Variants in DPYSL5 observed in about 807,000 individuals in gnomAD.
DPYSL5 encodes the protein dihydropyrimidinase-related protein 5.
In DPYSL5, 9 loss-of-function variants were observed where a neutral mutation model predicts 58.4. The ratio of observed to expected loss-of-function variants is 0.15; its 90% CI spans 0.09 to 0.27. The LOEUF (loss-of-function observed/expected upper bound fraction) is 0.27. Among genes scored for constraint, DPYSL5 ranks in the 10% least tolerant of loss-of-function variants. The pLI is 1.00. For synonymous variants in DPYSL5, 293 were observed against 301.9 expected (o/e 0.97, Z 0.31); for missense variants, 499 against 770.6 (o/e 0.65, Z 4.17).
intron 8 of DPYSL5, among the ~76,000 whole-genome samples, chr2:26,937,752 T>G (rs911240732): frequency 6.6e-6 from 1 of 151,374 alleles, no homozygotes; most frequent in Non-Finnish European, 1.5e-5. Flanking sequence ...TTTTGTTTGT[T>G]TGTTTGTTTG....
At chr2:26,939,065 C>T (rs539939733) in intron 8 of DPYSL5, 4 of 152,388 alleles carry the variant, frequency 2.6e-5, no homozygotes, top group Admixed American at 6.5e-5. Context: ...TTCTTCCCTA[C>T]GTCTTCTTTG....
intron 1 of DPYSL5, among the ~76,000 whole-genome samples, chr2:26,883,393 G>T (rs532602233): frequency 6.6e-6 from 1 of 152,132 alleles, no homozygotes; most frequent in Non-Finnish European, 1.5e-5. Context: ...CTTATTGTTT[G>T]TTTGTTTGTT....
At chr2:26,941,814 C>A in intron 9 of DPYSL5, 136 bp from the exon 10 acceptor site, 2 of 1,170,006 alleles carry the variant, frequency 1.7e-6, no homozygotes, top group Non-Finnish European at 2.4e-6. Context: ...TGAGATGGTG[C>A]TCATGGCCTT....
intron 1 of DPYSL5, among the ~76,000 whole-genome samples, chr2:26,867,444 T>G (rs988275597): frequency 6.3e-4 from 89 of 140,212 alleles, no homozygotes; most frequent in African/African-American, 1.4e-3. Flanking sequence ...CAATTGTTTG[T>G]TTTTTTTTTT....
intron 1 of DPYSL5, among the ~76,000 whole-genome samples, chr2:26,882,655 CT>C (rs1264565145): frequency 6.6e-6 from 1 of 152,104 alleles, no homozygotes; most frequent in African/African-American, 2.4e-5. Flanking sequence ...AATCCCAGCA[CT>C]TTGGGAGGCC....
At chr2:26,888,997 G>T (rs1015207741) in intron 1 of DPYSL5, among the ~76,000 whole-genome samples, 1 of 152,022 alleles carries the variant, frequency 6.6e-6, no homozygotes, top group African/African-American at 2.4e-5. Context: ...CAGAGAGAGA[G>T]ATATCTCTCT....
intron 1 of DPYSL5, among the ~76,000 whole-genome samples, chr2:26,888,315 T>C (rs1663782173): frequency 6.6e-6 from 1 of 151,732 alleles, no homozygotes; most frequent in Admixed American, 6.6e-5. Context: ...TCTCCCAGGC[T>C]GGAGTGCAGT....
Position 26,885,482 on chromosome 2 carries a change from G to A in DPYSL5, c.-4-13014G>A, listed in dbSNP as rs76905636. Among the ~76,000 whole-genome samples, 594 of 152,212 alleles carry A rather than the reference G, an allele frequency of 3.9e-3. 1 individual carries two copies. The highest frequency in any genetic ancestry group is 0.014 in the Middle Eastern group (4 of 294). ...GTGCAGATGGTCCCCAGGTACAAAC[G>A]CCCCAGTCCAGCCCTCCCCCAAAAT... On this transcript the variant is annotated intron_variant, in intron 1 of 12. Coordinates refer to ENST00000288699, the MANE Select transcript of DPYSL5 (RefSeq NM_020134.4).
At chr2:26,936,542 C>G (rs1417553250) in intron 8 of DPYSL5, among the ~76,000 whole-genome samples, 1 of 152,166 alleles carries the variant, frequency 6.6e-6, no homozygotes, top group Non-Finnish European at 1.5e-5. Context: ...GTCCCATAGC[C>G]TTGGTGGGTG....
At chr2:26,935,502 A>G (rs924555695) in intron 8 of DPYSL5, among the ~76,000 whole-genome samples, 1 of 152,084 alleles carries the variant, frequency 6.6e-6, no homozygotes, top group African/African-American at 2.4e-5. Flanking sequence ...AGCCTGGCCA[A>G]CGTGGTAAAA....
rs765025884 is a variant in DPYSL5 at position 26,947,032 on chromosome 2, C to T, written c.*37C>T. ...AGCCCCCCGAGTGAGGACGCACCGC[C>T]GCCACCAGCCCGCAACTCTCCAGCC... On this transcript the variant is annotated 3_prime_UTR_variant, in exon 13 of 13. Coordinates refer to ENST00000288699, the MANE Select transcript of DPYSL5 (RefSeq NM_020134.4). The surrounding 1 kb of genome is among the most constrained non-coding windows in gnomAD (Gnocchi z 4.2). 128 of 1,514,842 alleles carry T rather than the reference C, an allele frequency of 8.4e-5. No homozygotes were observed. The Admixed American group carries it at 9.6e-4, about 11-fold the overall frequency. 93.8% of individuals were successfully genotyped at this position (1,514,842 alleles called of 1,614,324 possible). A position where few individuals can be genotyped will look rare whatever the true frequency, so the allele number is the denominator to read the frequency against.
In DPYSL5 at chr2:26,933,221, T is replaced by C. The variant is rs1665080789; in HGVS notation, c.715-37T>C. ...TTCTGATGCTTGTGAAGTTTATGGG[T>C]CAACCCTCCCTACTTCCCACTGTTT... On this transcript the variant is annotated intron_variant, in intron 6 of 12. Transcript: ENST00000288699. This position sits in a 1 kb window ranked among gnomAD's most constrained non-coding sequence, Gnocchi z 4.2. 6.9e-6 allele frequency: 11 copies of C among 1,600,774 alleles called. No individual in the cohort carries two copies. In the East Asian group the frequency reaches 2.5e-4, roughly 36 times the overall value.
At chr2:26,860,477 A>C (rs988096300) in intron 1 of DPYSL5, among the ~76,000 whole-genome samples, 1 of 152,218 alleles carries the variant, frequency 6.6e-6, no homozygotes, top group Non-Finnish European at 1.5e-5. Context: ...GCAGTTTGAC[A>C]CTATCTATCA....
intron 1 of DPYSL5, among the ~76,000 whole-genome samples, chr2:26,866,868 A>T (rs1666156345): frequency 6.6e-6 from 1 of 151,648 alleles, no homozygotes; most frequent in Non-Finnish European, 1.5e-5. Flanking sequence ...AGTAGCTGAG[A>T]TTACAGGTGT....
intron 3 of DPYSL5, among the ~76,000 whole-genome samples, chr2:26,926,073 T>C (rs1664823152): frequency 6.6e-6 from 1 of 152,324 alleles, no homozygotes; most frequent in South Asian, 2.1e-4. Context: ...AAAAGAAGTT[T>C]TATGAAGTTC....
intron 1 of DPYSL5, among the ~76,000 whole-genome samples, chr2:26,865,205 T>C (rs985068294): frequency 1.3e-5 from 2 of 152,126 alleles, no homozygotes; most frequent in African/African-American, 4.8e-5. Flanking sequence ...TTTGTTCACA[T>C]CCTTCATGCT....
intron 12 of DPYSL5, among the ~76,000 whole-genome samples, chr2:26,946,030 AGGGCCACTGCCACTCCCACCAGTGAC>A (rs1250129835): frequency 2.6e-5 from 4 of 152,272 alleles, no homozygotes; most frequent in Non-Finnish European, 4.4e-5. Flanking sequence ...CGCTACTCTG[AGGGCCACTGCCACTCCCACCAGTGAC>A]GGGCCATGAG....
rs115016765 is a variant in DPYSL5, at chr2:26,944,358, A to G, written c.1441-298A>G. ...TACCTGCTACCTCGGTGAGGCTTCC[A>G]TCAGTGTTGAGGGGGAGCCAGTATC... On this transcript the variant is annotated intron_variant, in intron 11 of 12. Transcript: ENST00000288699. This position sits in a 1 kb window ranked among gnomAD's most constrained non-coding sequence, Gnocchi z 4.4. 0.016 allele frequency among the ~76,000 whole-genome samples: 2,487 copies of G among 152,308 alleles called. 77 individuals carry two copies. The highest frequency in any genetic ancestry group is 0.057 in the African/African-American group (2,363 of 41,556).
Position 26,942,001 on chromosome 2 carries a change from G to A in DPYSL5, c.1141G>A (p.Ala381Thr), listed in dbSNP as rs767351583. The change falls in exon 10 of 13, where the codon GCA (alanine) becomes ACA (threonine). Residue 381 changes from alanine (A) to threonine (T), a missense_variant. Physicochemically the swap from Ala to Thr is moderately conservative, Grantham distance 58. This residue lies in a region of DPYSL5 where 404 missense variants were observed against 647.6 expected (regional missense o/e 0.62). Transcript: ENST00000288699. This position sits in a 1 kb window ranked among gnomAD's most constrained non-coding sequence, Gnocchi z 5.9. ...NRFVAVTSSN[A>T]AKLLNLYPRK... is the part of the protein sequence containing the mutation. ...TTTTGTGGCCGTTACCAGTTCCAAC[G>A]CAGCTAAGCTTCTGAACCTGTATCC... 3 of 1,614,186 alleles carry A rather than the reference G, an allele frequency of 1.9e-6. No individual in the cohort carries two copies. Among genetic ancestry groups the A allele is most frequent in the East Asian group, 4.5e-5 (2 of 44,884 alleles).
Sources: gnomAD v4.1 joint callset for allele counts (sites outside exome capture counted in the v4.1 genomes callset) on GRCh38, gnomAD v4.1.1 for gene constraint, gnomAD v4.1.1 regional missense constraint, Gnocchi (gnomAD v3.1) non-coding constraint, MANE v1.5 for transcripts, NCBI Gene and HGNC (gene_info 2026-07-23, HGNC 2026-07-21) for gene names.